Variants in DYNC2H1 observed in about 807,000 individuals in gnomAD.
DYNC2H1 encodes the protein dynein cytoplasmic 2 heavy chain 1.
A neutral mutation model predicts 570.0 loss-of-function variants in DYNC2H1; 410 were observed. The ratio of observed to expected loss-of-function variants is 0.72; its 90% CI spans 0.66 to 0.78. The LOEUF (loss-of-function observed/expected upper bound fraction) is 0.78. Ranked by LOEUF, DYNC2H1 falls within the 30% of genes least tolerant of loss-of-function variation. DYNC2H1 has a pLI of 0.00. For synonymous variants in DYNC2H1, 1,688 were observed against 1,677.6 expected (o/e 1.01, Z -0.15); for missense variants, 4,865 against 5,046.4 (o/e 0.96, Z 1.09).
intron 70 of DYNC2H1, among the ~76,000 whole-genome samples, chr11:103,274,351 C>T (rs993529890): frequency 2.6e-5 from 4 of 151,836 alleles, no homozygotes; most frequent in Admixed American, 6.6e-5. Flanking sequence ...CAGAGTGAGA[C>T]CATGTCTGTA....
At chr11:103,270,647 A>G (rs545315791) in intron 70 of DYNC2H1, among the ~76,000 whole-genome samples, 87 of 151,582 alleles carry the variant, frequency 5.7e-4, no homozygotes, top group African/African-American at 2.1e-3. Flanking sequence ...TGATCTGTTG[A>G]TCTGATAACT....
At chr11:103,150,144 G>A (rs1860464199) in intron 20 of DYNC2H1, among the ~76,000 whole-genome samples, 1 of 152,240 alleles carries the variant, frequency 6.6e-6, no homozygotes, top group Non-Finnish European at 1.5e-5. Context: ...GCAAGGGCCA[G>A]ATTACGAAGA....
intron 12 of DYNC2H1, 48 bp downstream of exon 12, chr11:103,125,343 G>T: frequency 3.7e-5 from 37 of 1,010,050 alleles, no homozygotes; most frequent in South Asian, 2.1e-4. Flanking sequence ...AGTTCATTAC[G>T]TTAAACTAGA....
Position 103,228,420 on chromosome 11 carries a change from T to C in DYNC2H1, c.9354-2840T>C, listed in dbSNP as rs117141724. 2.7e-3 allele frequency among the ~76,000 whole-genome samples: 406 copies of C among 152,274 alleles called. 3 individuals carry two copies. The highest frequency in any genetic ancestry group is 4.4e-3 in the Non-Finnish European group (302 of 68,012). Reference sequence around the variant, plus strand: ...GTCTTTCCCTTCCCCTAGGAATGGGTAGTTCTGAGATCTGAACTGTAGTGA... The same window carrying C: ...GTCTTTCCCTTCCCCTAGGAATGGGCAGTTCTGAGATCTGAACTGTAGTGA... On this transcript the variant is annotated intron_variant, in intron 59 of 88. Coordinates refer to ENST00000375735, the MANE Select transcript of DYNC2H1 (RefSeq NM_001377.3). This position sits in a 1 kb window ranked among gnomAD's most constrained non-coding sequence, Gnocchi z 6.1.
chr11:103,379,191 C>T (rs896355004), intron 83 of DYNC2H1, among the ~76,000 whole-genome samples: 1 of 152,156 alleles, frequency 6.6e-6, no homozygotes, highest in African/African-American at 2.4e-5. Flanking sequence ...TCTGGTTTGC[C>T]CCAGCCATGG....
intron 83 of DYNC2H1, among the ~76,000 whole-genome samples, chr11:103,392,713 A>G (rs1942214766): frequency 6.6e-6 from 1 of 151,964 alleles, no homozygotes; most frequent in Non-Finnish European, 1.5e-5. Flanking sequence ...ACATCATTTG[A>G]TTTTTAGGGG....
At chr11:103,267,108 C>T (rs1278739) in intron 70 of DYNC2H1, among the ~76,000 whole-genome samples, 60,848 of 151,742 alleles carry the variant, frequency 0.4, 12,489 homozygotes, top group African/African-American at 0.47. Flanking sequence ...TTTTCCTGCC[C>T]GGGTTCCAGA....
At chr11:103,333,602 A>G (rs1450088147) in intron 82 of DYNC2H1, among the ~76,000 whole-genome samples, 1 of 152,182 alleles carries the variant, frequency 6.6e-6, no homozygotes, top group Non-Finnish European at 1.5e-5. Flanking sequence ...GGCCTCCCCA[A>G]CAGGAAAGCC....
At chr11:103,383,621 C>T (rs1476904040) in intron 83 of DYNC2H1, among the ~76,000 whole-genome samples, 1 of 150,840 alleles carries the variant, frequency 6.6e-6, no homozygotes, top group East Asian at 2.0e-4. Flanking sequence ...CCACAGGTAC[C>T]CACCACCACG....
intron 70 of DYNC2H1, among the ~76,000 whole-genome samples, chr11:103,263,417 A>C (rs1425913368): frequency 1.3e-5 from 2 of 152,206 alleles, no homozygotes; most frequent in East Asian, 3.8e-4. Flanking sequence ...CATTTTTCTC[A>C]GCACCACATC....
intron 59 of DYNC2H1, among the ~76,000 whole-genome samples, chr11:103,224,358 G>A (rs1304789950): frequency 6.6e-6 from 1 of 151,988 alleles, no homozygotes; most frequent in African/African-American, 2.4e-5. Context: ...CATCATCTGA[G>A]CAGTGTTACA....
At position 103,456,406 on chromosome 11, in the gene DYNC2H1, T is replaced by C. The variant is rs983530452; in HGVS notation, c.12648+50T>C. Reference sequence around the variant, plus strand: ...GAATCTCAGCCTTATCACCAACTGATATAAGAGATTCTGAAATTTTGATCT... The same window carrying C: ...GAATCTCAGCCTTATCACCAACTGACATAAGAGATTCTGAAATTTTGATCT... On this transcript the variant is annotated intron_variant, in intron 87 of 88. Coordinates refer to ENST00000375735, the MANE Select transcript of DYNC2H1 (RefSeq NM_001377.3). 10 of 1,442,844 alleles carry C rather than the reference T, an allele frequency of 6.9e-6. No individual in the cohort carries two copies. In the African/African-American group the frequency reaches 1.1e-4, roughly 16 times the overall value. 89.4% of individuals were successfully genotyped at this position (1,442,844 alleles called of 1,614,324 possible). A position where few individuals can be genotyped will look rare whatever the true frequency, so the allele number is the denominator to read the frequency against.
chr11:103,380,359 C>G (rs1053561975), intron 83 of DYNC2H1, among the ~76,000 whole-genome samples: 1 of 152,008 alleles, frequency 6.6e-6, no homozygotes, highest in African/African-American at 2.4e-5. Flanking sequence ...TATTAAATAT[C>G]TATTGAGGAA....
intron 82 of DYNC2H1, among the ~76,000 whole-genome samples, chr11:103,344,046 C>G (rs894484090): frequency 6.6e-6 from 1 of 152,254 alleles, no homozygotes; most frequent in African/African-American, 2.4e-5. Context: ...CAGTGAATCT[C>G]TAGAGCAATT....
chr11:103,233,925 T>C, intron 60 of DYNC2H1, 109 bp from the exon 61 acceptor site: 1 of 1,000,532 alleles, frequency 1.0e-6, no homozygotes, highest in Non-Finnish European at 1.4e-6. Context: ...ACATTAATAG[T>C]ATTATCATTA....
rs1200493617 is a variant in DYNC2H1 at position 103,245,246 on chromosome 11, A to T, written c.9919-5A>T. On this transcript the variant is annotated splice_region_variant and splice_polypyrimidine_tract_variant and intron_variant, in intron 64 of 88. Coordinates refer to ENST00000375735, the MANE Select transcript of DYNC2H1 (RefSeq NM_001377.3). The surrounding 1 kb of genome is among the most constrained non-coding windows in gnomAD (Gnocchi z 4.5). ...ATTAATACGTATTCTTTTTTATTCA[A>T]TTAGGATAGTAACTTTATCACAGCT... 1 of 1,522,390 alleles carries T rather than the reference A, an allele frequency of 6.6e-7. No homozygotes were observed. Among genetic ancestry groups the T allele is most frequent in the African/African-American group, 1.4e-5 (1 of 72,064 alleles). 94.3% of individuals were successfully genotyped at this position (1,522,390 alleles called of 1,614,324 possible).
At chr11:103,379,644 A>G (rs1352752922) in intron 83 of DYNC2H1, among the ~76,000 whole-genome samples, 2 of 152,098 alleles carry the variant, frequency 1.3e-5, no homozygotes, top group South Asian at 2.1e-4. Context: ...TTTCCCCTCC[A>G]TAACTTGGTT....
rs1256023983 is a variant in DYNC2H1 at position 103,204,935 on chromosome 11, G to T, written c.8425G>T (p.Glu2809Ter). The change falls in exon 52 of 89, where the codon GAG becomes TAG. Residue 2809 changes from glutamate to a stop codon, truncating the protein, a stop_gained. Coordinates refer to ENST00000375735, the MANE Select transcript of DYNC2H1 (RefSeq NM_001377.3). LOFTEE classifies it high-confidence loss of function. This position sits in a 1 kb window ranked among gnomAD's most constrained non-coding sequence, Gnocchi z 4.1. ...TAAGAAATGCCAGGTGTTGTGGATG[G>T]AGGGTTGGTCCAATAGCAGTATGAA... ...LHKKCQVLWM[E>*]GWSNSSMKKI... 6.3e-7 allele frequency: 1 copy of T among 1,591,768 alleles called. No homozygotes were observed. The highest frequency in any genetic ancestry group is 1.7e-5 in the Admixed American group (1 of 57,244).
At chr11:103,412,583 G>A (rs1468363856) in intron 84 of DYNC2H1, among the ~76,000 whole-genome samples, 5 of 152,032 alleles carry the variant, frequency 3.3e-5, no homozygotes, top group African/African-American at 1.2e-4. Context: ...ATATCTATTG[G>A]TTATACATTT....
Sources: gnomAD v4.1 joint callset for allele counts (sites outside exome capture counted in the v4.1 genomes callset) on GRCh38, gnomAD v4.1.1 for gene constraint, Gnocchi (gnomAD v3.1) non-coding constraint, MANE v1.5 for transcripts, NCBI Gene and HGNC (gene_info 2026-07-23, HGNC 2026-07-21) for gene names.